Variants in ZNF69 observed in about 807,000 individuals in gnomAD.
ZNF69 encodes zinc finger protein 69.
Under a neutral mutation model 50.9 loss-of-function variants are expected in ZNF69, and 47 were observed. The observed-to-expected ratio is 0.92, with a 90% CI of 0.73 to 1.18. The LOEUF is 1.18. Ranked by LOEUF, ZNF69 falls within the 50% of genes most tolerant of loss-of-function variation. ZNF69 has a pLI of 0.00. For missense variants in ZNF69, 717 were observed against 675.1 expected (o/e 1.06, Z -0.69); for synonymous variants, 216 against 223.1 (o/e 0.97, Z 0.29).
the ZNF69 span, chr19:11,979,398 A>G: frequency 1.9e-6 from 3 of 1,608,580 alleles, no homozygotes; most frequent in Non-Finnish European, 1.7e-6. Context: ...TCTGCCTCAC[A>G]CCTTCAAATT....
intron 1 of ZNF69, among the ~76,000 whole-genome samples, chr19:11,897,191 TAC>T (rs984536692): frequency 2.0e-5 from 3 of 151,744 alleles, no homozygotes; most frequent in African/African-American, 7.3e-5. Flanking sequence ...CTACTAAAAA[TAC>T]AAAATTAGCC....
the ZNF69 span, chr19:11,978,301 G>A: frequency 6.2e-7 from 1 of 1,614,124 alleles, no homozygotes; most frequent in Non-Finnish European, 8.5e-7. Flanking sequence ...ATGAACATCA[G>A]AGGTGACATT....
intron 3 of ZNF69, among the ~76,000 whole-genome samples, chr19:11,904,352 T>G (rs115469935): frequency 0.014 from 2,140 of 152,286 alleles, 41 homozygotes; most frequent in African/African-American, 0.049. Context: ...TGCACTCCAG[T>G]GTGGGCAACA....
chr19:11,898,801 G>A (rs1253932328), intron 1 of ZNF69, among the ~76,000 whole-genome samples: 1 of 152,070 alleles, frequency 6.6e-6, no homozygotes, highest in Admixed American at 6.6e-5. Context: ...GGAGTTGGAG[G>A]CCAGCCTAGG....
chr19:11,976,735 G>A, the ZNF69 span: 594 of 411,826 alleles, frequency 1.4e-3, 7 homozygotes, highest in South Asian at 0.011. Flanking sequence ...GTGTGGTGGC[G>A]CATGCCTGTA....
downstream of ZNF69, among the ~76,000 whole-genome samples, chr19:11,918,988 C>T (rs1014885881): frequency 4.6e-5 from 7 of 151,960 alleles, no homozygotes; most frequent in East Asian, 3.9e-4. Flanking sequence ...CTCCGCCTCC[C>T]GGGTTCACGC....
chr19:11,943,106 C>CTATTAT, the ZNF69 span, among the ~76,000 whole-genome samples: 2 of 152,188 alleles, frequency 1.3e-5, no homozygotes, highest in Non-Finnish European at 2.9e-5. Flanking sequence ...AAGCAGGTTT[C>CTATTAT]TATTATTATT....
the ZNF69 span, among the ~76,000 whole-genome samples, chr19:11,974,069 TTTTC>T: frequency 0.059 from 6,732 of 114,392 alleles, 331 homozygotes; most frequent in East Asian, 0.075. Flanking sequence ...TCCTTCTTTC[TTTTC>T]TTTCTTTCTT....
the ZNF69 span, among the ~76,000 whole-genome samples, chr19:11,954,169 G>A: frequency 2.6e-5 from 4 of 152,086 alleles, no homozygotes; most frequent in Non-Finnish European, 5.9e-5. Flanking sequence ...CCAACAATAA[G>A]ACAAAAACTT....
At position 11,901,343 on chromosome 19, in the gene ZNF69, C is replaced by A. The variant is rs1272947899; in HGVS notation, c.64-2230C>A. On this transcript the variant is annotated intron_variant, in intron 1 of 3. Coordinates refer to ENST00000429654, the MANE Select transcript of ZNF69 (RefSeq NM_001364730.1). ...AGGTTGCACTTTTTTGAATTGCCGACGTGTGAAAAATCAGACTTTGGCCAT... is the reference window on the plus strand; with the variant it reads ...AGGTTGCACTTTTTTGAATTGCCGAAGTGTGAAAAATCAGACTTTGGCCAT... Among the ~76,000 whole-genome samples, 3 of 152,096 alleles carry A rather than the reference C, an allele frequency of 2.0e-5. No individual in the cohort carries two copies. In the South Asian group the frequency reaches 6.2e-4, roughly 31 times the overall value.
the ZNF69 span, chr19:11,978,340 A>C: frequency 4.4e-5 from 71 of 1,614,088 alleles, no homozygotes; most frequent in Non-Finnish European, 5.1e-5. Flanking sequence ...TATCAGGACT[A>C]TGCACCAAAG....
the ZNF69 span, chr19:11,956,702 A>G: frequency 7.6e-6 from 3 of 392,286 alleles, no homozygotes; most frequent in Non-Finnish European, 1.3e-5. Context: ...CTAAAAATAC[A>G]AAAATTAGCC....
chr19:11,950,599 C>G, the ZNF69 span: 409 of 471,964 alleles, frequency 8.7e-4, 2 homozygotes, highest in African/African-American at 7.1e-3. Context: ...AGGGTTCACA[C>G]TTGGGAGAAA....
chr19:11,928,048 A>G, the ZNF69 span, among the ~76,000 whole-genome samples: 20 of 151,924 alleles, frequency 1.3e-4, no homozygotes, highest in African/African-American at 4.8e-4. Flanking sequence ...CCCAGCCTAG[A>G]GCAGTGGTGC....
chr19:11,978,131 G>A, the ZNF69 span: 114 of 1,612,966 alleles, frequency 7.1e-5, no homozygotes, highest in African/African-American at 1.3e-3. Flanking sequence ...TCATAGAAGG[G>A]AATGTCAATG....
chr19:11,905,921 C>T lies in ZNF69; in HGVS notation c.1524C>T (p.Cys508=), dbSNP rs1972363547. Residue 508 remains cysteine, a synonymous_variant, in exon 4 of 4, where the codon TGC becomes TGT. Coordinates refer to ENST00000429654, the MANE Select transcript of ZNF69 (RefSeq NM_001364730.1). ...KTHTGEKLYE[C]KQCGEAFSSS... ...ACACTGGAGAGAAACTCTATGAATG[C>T]AAGCAATGTGGTGAAGCCTTCAGTA... 1.9e-6 allele frequency: 3 copies of T among 1,613,734 alleles called. No individual in the cohort carries two copies. The highest frequency in any genetic ancestry group is 2.5e-6 in the Non-Finnish European group (3 of 1,179,932).
chr19:11,949,194 T>C, the ZNF69 span: 1 of 1,613,416 alleles, frequency 6.2e-7, no homozygotes, highest in Admixed American at 1.7e-5. Flanking sequence ...AGAAACGCTA[T>C]AAATGCAAGC....
chr19:11,896,294 C>A (rs73506864), intron 1 of ZNF69, among the ~76,000 whole-genome samples: 1 of 145,644 alleles, frequency 6.9e-6, no homozygotes, highest in Non-Finnish European at 1.5e-5. Flanking sequence ...ATCTTTCCAT[C>A]TCTCTGATAA....
the ZNF69 span, chr19:11,925,351 C>T: frequency 1.3e-6 from 2 of 1,584,568 alleles, no homozygotes; most frequent in Non-Finnish European, 8.6e-7. Context: ...TGGCGGGACC[C>T]GGGCCTCCCT....
Sources: allele counts gnomAD v4.1 joint callset (sites outside exome capture counted in the v4.1 genomes callset), GRCh38; gene constraint gnomAD v4.1.1; transcripts MANE v1.5; gene names NCBI Gene and HGNC (gene_info 2026-07-23, HGNC 2026-07-21).